GATAD2B: variants seen among roughly 807,000 people sequenced by gnomAD.
GATAD2B encodes the protein transcriptional repressor p66-beta.
Under a neutral mutation model 64.3 loss-of-function variants are expected in GATAD2B, and 8 were observed. The observed-to-expected ratio is 0.12, with a 90% CI of 0.07 to 0.22. The LOEUF (loss-of-function observed/expected upper bound fraction) is 0.22, where lower values mean the gene tolerates loss of function less well. GATAD2B is among the 10% of genes least tolerant of loss of function. The probability of loss-of-function intolerance (pLI) is 1.00; values close to 1 mark genes in which losing one functional copy is unlikely to be tolerated. For missense variants in GATAD2B, 453 were observed against 752.0 expected, an observed-to-expected ratio of 0.60 and a Z score of 4.65; for synonymous variants, 281 against 271.3, an observed-to-expected ratio of 1.04 and a Z score of -0.35.
At chr1:153,852,377 G>A in intron 1 of GATAD2B, 1 of 834,044 alleles carries the variant, frequency 1.2e-6, no homozygotes, top group Non-Finnish European at 2.1e-6. Flanking sequence ...ACCCTCATAT[G>A]CTTGGCCTGA....
intron 1 of GATAD2B, among the ~76,000 whole-genome samples, chr1:153,832,305 G>GGCAAAGT (rs1318426138): frequency 6.6e-6 from 1 of 152,152 alleles, no homozygotes; most frequent in Non-Finnish European, 1.5e-5. Context: ...CACAAATAAT[G>GGCAAAGT]GCAAAGTGCA....
rs1358609436 is a variant in GATAD2B, at chr1:153,845,552, C to G, written c.-1-17204G>C. 5.3e-5 allele frequency among the ~76,000 whole-genome samples: 8 copies of G among 151,332 alleles called. 1 individual carries two copies. The highest frequency in any genetic ancestry group is 5.9e-5 in the Non-Finnish European group (4 of 67,968). ...CATGAGCTCAGGAGTTCAAGACCAG[C>G]CTGGGCAACATGACAAAACCCCACA... On this transcript the variant is annotated intron_variant, in intron 1 of 10. Coordinates refer to ENST00000368655, the MANE Select transcript of GATAD2B (RefSeq NM_020699.4).
rs1163187974 is a variant in GATAD2B, at chr1:153,904,023, G to A, written c.-2+18710C>T. Among the ~76,000 whole-genome samples, 7 of 152,250 alleles carry A rather than the reference G, an allele frequency of 4.6e-5. No individual in the cohort carries two copies. In the East Asian group the frequency reaches 1.2e-3, roughly 25 times the overall value. On this transcript the variant is annotated intron_variant, in intron 1 of 10. Coordinates refer to ENST00000368655, the MANE Select transcript of GATAD2B (RefSeq NM_020699.4). ...ATGCCAGGCCCGGTGGCTCACGCCT[G>A]TAATCCCAGCACTTCGGGAAGGTAA...
chr1:153,919,331 G>T (rs1302496558), intron 1 of GATAD2B, among the ~76,000 whole-genome samples: 9 of 152,170 alleles, frequency 5.9e-5, no homozygotes, highest in Non-Finnish European at 1.3e-4. Flanking sequence ...CCTCAGACAG[G>T]TTAAAAGCCC....
intron 1 of GATAD2B, among the ~76,000 whole-genome samples, chr1:153,858,168 T>C (rs1676156140): frequency 6.6e-6 from 1 of 152,198 alleles, no homozygotes; most frequent in Non-Finnish European, 1.5e-5. Context: ...TGGTGAGTTA[T>C]GGGAGAGTGA....
rs886650681 is a variant in GATAD2B, at chr1:153,922,769, C to T, written c.-38G>A. The stretch of plus-strand genomic sequence containing the variant: ...GGTGTAACTCCCGGCTAGCTCGCCT[C>T]CTCAGGCGGCGGCGGAGGCGTCGAA... On this transcript the variant is annotated 5_prime_UTR_variant, in exon 1 of 11. Transcript: ENST00000368655. 1 of 152,960 alleles carries T rather than the reference C, an allele frequency of 6.5e-6. No individual in the cohort carries two copies. The highest frequency in any genetic ancestry group is 2.4e-5 in the African/African-American group (1 of 41,370). The allele number at this position is 152,960 out of a possible 1,614,324, so 9.5% of individuals were successfully genotyped here.
chr1:153,880,135 C>T (rs1338256514), intron 1 of GATAD2B, among the ~76,000 whole-genome samples: 1 of 151,976 alleles, frequency 6.6e-6, no homozygotes, highest in Non-Finnish European at 1.5e-5. Flanking sequence ...CCCTCTCCCC[C>T]ACCCACCCCT....
chr1:153,918,034 T>C (rs1054542713), intron 1 of GATAD2B, among the ~76,000 whole-genome samples: 1 of 152,166 alleles, frequency 6.6e-6, no homozygotes, highest in South Asian at 2.1e-4. Context: ...AAGGAATCAC[T>C]TGGTCTTAGG....
At chr1:153,911,556 G>A (rs1013471610) in intron 1 of GATAD2B, among the ~76,000 whole-genome samples, 4 of 152,082 alleles carry the variant, frequency 2.6e-5, no homozygotes, top group African/African-American at 9.7e-5. Flanking sequence ...CCAACATGGT[G>A]AAACCCTGTC....
At chr1:153,903,215 C>T (rs1183121086) in intron 1 of GATAD2B, among the ~76,000 whole-genome samples, 1 of 149,264 alleles carries the variant, frequency 6.7e-6, no homozygotes, top group Non-Finnish European at 1.5e-5. Flanking sequence ...GAGACTCCAT[C>T]TCAAAAAAAA....
At chr1:153,855,199 G>C (rs78637297) in intron 1 of GATAD2B, among the ~76,000 whole-genome samples, 1 of 149,546 alleles carries the variant, frequency 6.7e-6, no homozygotes, top group Non-Finnish European at 1.5e-5. Context: ...TTTTTGAAAC[G>C]TAACTGTAGC....
At chr1:153,856,637 C>T (rs1051366257) in intron 1 of GATAD2B, among the ~76,000 whole-genome samples, 2 of 151,932 alleles carry the variant, frequency 1.3e-5, no homozygotes, top group Admixed American at 6.6e-5. Flanking sequence ...CTACTGAGCA[C>T]GGTAGCACAC....
intron 1 of GATAD2B, chr1:153,852,223 G>T: frequency 1.7e-6 from 2 of 1,152,636 alleles, no homozygotes; most frequent in East Asian, 2.4e-5. Flanking sequence ...CCAGTTGAGG[G>T]GCATGTTGTT....
At chr1:153,830,710 C>T (rs1004614895) in intron 1 of GATAD2B, among the ~76,000 whole-genome samples, 46 of 147,568 alleles carry the variant, frequency 3.1e-4, no homozygotes, top group African/African-American at 1.1e-3. Flanking sequence ...CTCCTGACCT[C>T]GTGATCCGCC....
intron 1 of GATAD2B, chr1:153,852,774 A>G (rs560408088): frequency 3.4e-5 from 32 of 951,100 alleles, no homozygotes; most frequent in Non-Finnish European, 4.5e-5. Flanking sequence ...CCAGTCTAAC[A>G]TAACAACTTG....
Position 153,810,150 on chromosome 1 carries a change from G to A in GATAD2B, c.*27C>T, listed in dbSNP as rs745997363. The A allele has an allele frequency of 6.3e-7, 1 of 1,594,608 alleles. No homozygotes were observed. The highest frequency in any genetic ancestry group is 1.1e-5 in the South Asian group (1 of 88,856). On this transcript the variant is annotated 3_prime_UTR_variant, in exon 11 of 11. Transcript: ENST00000368655. ...AGAGGAAAGGGATAAAGGATTCAAG[G>A]ATGGGGCAGTACAAGTGGAACAGGC...
chr1:153,866,810 T>C (rs1412749539), intron 1 of GATAD2B, among the ~76,000 whole-genome samples: 2 of 152,122 alleles, frequency 1.3e-5, no homozygotes, highest in African/African-American at 2.4e-5. Flanking sequence ...TGAGACGGAG[T>C]CTTGCTCTGT....
At chr1:153,811,491 TAAAA>T (rs1355189589) in intron 10 of GATAD2B, 13 of 562,608 alleles carry the variant, frequency 2.3e-5, no homozygotes, top group African/African-American at 1.9e-4. Flanking sequence ...GAAGGGATAT[TAAAA>T]GTTAAATTGA....
chr1:153,824,804 C>T (rs2101888487), intron 2 of GATAD2B, among the ~76,000 whole-genome samples: 1 of 151,694 alleles, frequency 6.6e-6, no homozygotes, highest in South Asian at 2.1e-4. Flanking sequence ...AAATGTTGGG[C>T]CCGGCATGGT....
Sources: gnomAD v4.1 joint callset for allele counts (sites outside exome capture counted in the v4.1 genomes callset) on GRCh38, gnomAD v4.1.1 for gene constraint, MANE v1.5 for transcripts, NCBI Gene and HGNC (gene_info 2026-07-23, HGNC 2026-07-21) for gene names.